CCDC92B: variants seen among roughly 807,000 people sequenced by gnomAD.
The protein encoded by CCDC92B is coiled-coil domain containing 92B, also known as coiled-coil domain-containing 92B.
In CCDC92B, 2 loss-of-function variants were observed where a neutral mutation model predicts 5.6. That is an observed-to-expected ratio of 0.36 (90% CI 0.15 to 1.12). CCDC92B has a LOEUF of 1.12. Among genes scored for constraint, CCDC92B ranks in the 50% most tolerant of loss-of-function variants. The pLI is 0.40. For synonymous variants in CCDC92B, 115 were observed against 122.3 expected (o/e 0.94, Z 0.39); for missense variants, 271 against 262.2 (o/e 1.03, Z -0.23).
intron 3 of CCDC92B, among the ~76,000 whole-genome samples, chr17:2,729,740 G>T (rs193268295): frequency 6.6e-6 from 1 of 152,090 alleles, no homozygotes; most frequent in African/African-American, 2.4e-5. Context: ...CAGATCTTTA[G>T]AACTTTTTAA....
rs923691313 is a variant in CCDC92B, at chr17:2,724,890, G to A, written c.289C>T (p.Leu97=). 42 of 985,090 alleles carry A rather than the reference G, an allele frequency of 4.3e-5. No individual in the cohort carries two copies. Among genetic ancestry groups the A allele is most frequent in the Non-Finnish European group, 5.1e-5 (42 of 829,844 alleles). The allele number at this position is 985,090 out of a possible 1,614,324, so 61.0% of individuals were successfully genotyped here. A position where few individuals can be genotyped will look rare whatever the true frequency, so the allele number is the denominator to read the frequency against. Residue 97 remains leucine, a synonymous_variant, in exon 4 of 4, where the codon CTG becomes TTG. Coordinates refer to ENST00000614400, the MANE Select transcript of CCDC92B (RefSeq NM_001355573.2). The surrounding 1 kb of genome is among the most constrained non-coding windows in gnomAD (Gnocchi z 5.0). ...AGGCTGCAGCGCAGCGCGGACACCA[G>A]CGCCTCGCGCTGCGCCACCTCCCGC... ...LRREVAQREA[L]VSALRCSLRT...
chr17:2,724,228 TGGAAACGTCGGGAAGTACAAAA>T lies in CCDC92B; in HGVS notation c.*161_*182del, dbSNP rs1251585271. On this transcript the variant is annotated 3_prime_UTR_variant, in exon 4 of 4. Transcript: ENST00000614400. The surrounding 1 kb of genome is among the most constrained non-coding windows in gnomAD (Gnocchi z 5.0). The stretch of plus-strand genomic sequence containing the variant: ...CGCGCGAGGAGAGGGCTCGAAGCTT[TGGAAACGTCGGGAAGTACAAAA>T]GGCTGGCGGTTCGGGGATTTGGGGG... 4.7e-5 allele frequency: 46 copies of T among 985,214 alleles called. No individual in the cohort carries two copies. Among genetic ancestry groups the T allele is most frequent in the Non-Finnish European group, 5.4e-5 (45 of 829,908 alleles). 61.0% of individuals were successfully genotyped at this position (985,214 alleles called of 1,614,324 possible).
At chr17:2,744,305 C>T (rs1567619209) in intron 1 of CCDC92B, among the ~76,000 whole-genome samples, 2 of 152,104 alleles carry the variant, frequency 1.3e-5, no homozygotes, top group East Asian at 1.9e-4. Context: ...GCTGGGATTA[C>T]AGGCGTGAGC....
chr17:2,745,331 G>A (rs143785678), intron 1 of CCDC92B, among the ~76,000 whole-genome samples: 5 of 152,138 alleles, frequency 3.3e-5, no homozygotes, highest in Middle Eastern at 3.4e-3. Context: ...AGAGAGAAAC[G>A]TCTGTTCCCA....
chr17:2,731,718 G>A (rs2070796852), intron 2 of CCDC92B, among the ~76,000 whole-genome samples: 1 of 152,212 alleles, frequency 6.6e-6, no homozygotes, highest in South Asian at 2.1e-4. Context: ...CCTGTTCCCT[G>A]AGGCACCTGT....
chr17:2,741,727 G>C (rs937611805), intron 1 of CCDC92B, among the ~76,000 whole-genome samples: 2 of 150,228 alleles, frequency 1.3e-5, no homozygotes, highest in African/African-American at 4.9e-5. Context: ...CGAGTAGCTG[G>C]GACTACAGGG....
chr17:2,737,435 G>A (rs2070869309), intron 1 of CCDC92B, among the ~76,000 whole-genome samples: 1 of 143,890 alleles, frequency 6.9e-6, no homozygotes, highest in African/African-American at 2.6e-5. Flanking sequence ...GTACTCCCCT[G>A]ACCCCCCTAA....
In CCDC92B at chr17:2,724,384, C is replaced by T. The variant is rs1337678615; in HGVS notation, c.*27G>A. The T allele has an allele frequency of 7.1e-6, 7 of 985,046 alleles. No individual in the cohort carries two copies. Among genetic ancestry groups the T allele is most frequent in the South Asian group, 4.7e-5 (1 of 21,290 alleles). The allele number at this position is 985,046 out of a possible 1,614,324, so 61.0% of individuals were successfully genotyped here. ...TCCCTGGCCGGCCCTCCCCGTCCGT[C>T]CCGCGTCACCCCGGCCAGCCTGGCG... On this transcript the variant is annotated 3_prime_UTR_variant, in exon 4 of 4. Transcript: ENST00000614400. This position sits in a 1 kb window ranked among gnomAD's most constrained non-coding sequence, Gnocchi z 5.0.
intron 1 of CCDC92B, among the ~76,000 whole-genome samples, chr17:2,736,257 T>C (rs2151742123): frequency 6.6e-6 from 1 of 151,778 alleles, no homozygotes; most frequent in South Asian, 2.1e-4. Context: ...TGAAACCCCG[T>C]CTCTACTCAA....
At chr17:2,739,498 G>C (rs890786653) in intron 1 of CCDC92B, among the ~76,000 whole-genome samples, 1 of 151,248 alleles carries the variant, frequency 6.6e-6, no homozygotes, top group East Asian at 1.9e-4. Context: ...GGCTAACACA[G>C]TGAAACCCTG....
In CCDC92B at chr17:2,724,659, G is replaced by T; in HGVS notation, c.520C>A (p.Arg174Ser). 2.0e-6 allele frequency: 2 copies of T among 981,798 alleles called. No homozygotes were observed. The highest frequency in any genetic ancestry group is 2.4e-6 in the Non-Finnish European group (2 of 828,252). 60.8% of individuals were successfully genotyped at this position (981,798 alleles called of 1,614,324 possible). Reference protein sequence around the residue: ...PRPRRRALRARRPPAAHEAAA... With the variant: ...PRPRRRALRASRPPAAHEAAA... ...GCCTCGTGGGCAGCAGGCGGGCGGC[G>T]GGCTCGCAGTGCGCGGCGGCGTGGC... The change falls in exon 4 of 4, where the codon CGC becomes AGC. Residue 174 changes from arginine (R) to serine (S), a missense_variant. Coordinates refer to ENST00000614400, the MANE Select transcript of CCDC92B (RefSeq NM_001355573.2). This position sits in a 1 kb window ranked among gnomAD's most constrained non-coding sequence, Gnocchi z 5.0.
chr17:2,738,168 T>C (rs2151742995), intron 1 of CCDC92B, among the ~76,000 whole-genome samples: 1 of 151,992 alleles, frequency 6.6e-6, no homozygotes, highest in African/African-American at 2.4e-5. Context: ...GCCTCCCAAG[T>C]AGCTAAGGTC....
chr17:2,724,496 C>T lies in CCDC92B; in HGVS notation c.683G>A (p.Arg228His), dbSNP rs1287072328. The change falls in exon 4 of 4, where the codon CGC becomes CAC. Residue 228 changes from arginine to histidine, a missense_variant. Arg to His is a conservative substitution (Grantham distance 29, BLOSUM62 0). Transcript: ENST00000614400. The surrounding 1 kb of genome is among the most constrained non-coding windows in gnomAD (Gnocchi z 5.0). ...CGGGGGCTCCTGGGGAGGCGGCTGG[C>T]GCGGGCTGCGGGCGCTGGGCCGCAG... ...RPLRPSARSP[R>H]QPPPQEPPDR... 6 of 980,968 alleles carry T rather than the reference C, an allele frequency of 6.1e-6. No homozygotes were observed. The highest frequency in any genetic ancestry group is 7.3e-6 in the Non-Finnish European group (6 of 827,190). 60.8% of individuals were successfully genotyped at this position (980,968 alleles called of 1,614,324 possible).
At chr17:2,745,389 A>T (rs2070973525) in intron 1 of CCDC92B, among the ~76,000 whole-genome samples, 1 of 152,146 alleles carries the variant, frequency 6.6e-6, no homozygotes, top group Non-Finnish European at 1.5e-5. Context: ...CTTCCCACAC[A>T]GCTCTGGAGA....
chr17:2,739,108 C>A (rs6502494), intron 1 of CCDC92B, among the ~76,000 whole-genome samples: 144,993 of 149,940 alleles, frequency 0.97, 70,269 homozygotes, highest in East Asian at 1. Flanking sequence ...TGGCTCACGC[C>A]TGTAATCCCA....
intron 1 of CCDC92B, among the ~76,000 whole-genome samples, chr17:2,748,849 A>C (rs1295478290): frequency 2.0e-5 from 3 of 151,894 alleles, no homozygotes; most frequent in Non-Finnish European, 4.4e-5. Flanking sequence ...GTGGAGCCAC[A>C]CTCCCCAGGG....
Position 2,721,493 on chromosome 17 carries a change from G to C in CCDC92B, c.*2918C>G, listed in dbSNP as rs1158839947. On this transcript the variant is annotated 3_prime_UTR_variant, in exon 4 of 4. Transcript: ENST00000614400. ...TTTGGCCAGGTGGGCTCTCAAGCCA[G>C]ACCCAGGGAGGGTGGGGCCTCTCCA... 1 of 152,320 alleles carries C rather than the reference G, an allele frequency of 6.6e-6. No homozygotes were observed. The highest frequency in any genetic ancestry group is 1.5e-5 in the Non-Finnish European group (1 of 68,122). The allele number at this position is 152,320 out of a possible 1,614,324, so 9.4% of individuals were successfully genotyped here. A position where few individuals can be genotyped will look rare whatever the true frequency, so the allele number is the denominator to read the frequency against.
chr17:2,726,069 C>T (rs994803557), intron 3 of CCDC92B, among the ~76,000 whole-genome samples: 1 of 146,280 alleles, frequency 6.8e-6, no homozygotes, highest in Admixed American at 7.0e-5. Flanking sequence ...AATCTCGGCT[C>T]ACTGCAACCT....
chr17:2,735,379 T>C (rs1258570351), intron 1 of CCDC92B, among the ~76,000 whole-genome samples: 2 of 152,196 alleles, frequency 1.3e-5, no homozygotes, highest in African/African-American at 2.4e-5. Context: ...ATTTAACACA[T>C]GGAGAACCAG....
Sources: allele counts gnomAD v4.1 joint callset (sites outside exome capture counted in the v4.1 genomes callset), GRCh38; gene constraint gnomAD v4.1.1; non-coding constraint Gnocchi (gnomAD v3.1); transcripts MANE v1.5; gene names NCBI Gene and HGNC (gene_info 2026-07-23, HGNC 2026-07-21).